Variants in OTUD7A observed in about 807,000 individuals in gnomAD.
OTUD7A encodes OTU deubiquitinase 7A, also known as OTU domain-containing protein 7A.
In OTUD7A, 12 loss-of-function variants were observed where a neutral mutation model predicts 65.7. The observed-to-expected ratio is 0.18, with a 90% CI of 0.12 to 0.30. The LOEUF (loss-of-function observed/expected upper bound fraction) is 0.30. Ranked by LOEUF, OTUD7A falls within the 10% of genes least tolerant of loss-of-function variation. The pLI, the probability that OTUD7A is intolerant of heterozygous loss-of-function variation, is 1.00. For missense variants in OTUD7A, 1,148 were observed against 1,304.8 expected (o/e 0.88, Z 1.85); for synonymous variants, 641 against 586.3 (o/e 1.09, Z -1.35).
At chr15:31,745,229 C>A (rs970847517) in intron 1 of OTUD7A, among the ~76,000 whole-genome samples, 1 of 151,900 alleles carries the variant, frequency 6.6e-6, no homozygotes, top group African/African-American at 2.4e-5. Flanking sequence ...TACAATTGAT[C>A]TAGAAGAGCC....
chr15:31,505,985 G>A (rs1157149625), intron 8 of OTUD7A, among the ~76,000 whole-genome samples: 1 of 151,958 alleles, frequency 6.6e-6, no homozygotes, highest in African/African-American at 2.4e-5. Flanking sequence ...TGATCCACCT[G>A]CCTCGGCCTC....
chr15:31,618,616 T>A (rs1384071842), intron 3 of OTUD7A, among the ~76,000 whole-genome samples: 1 of 152,208 alleles, frequency 6.6e-6, no homozygotes, highest in Non-Finnish European at 1.5e-5. Flanking sequence ...GCCCACTTGT[T>A]GATGGGGTTG....
At chr15:31,796,340 C>A (rs1895961775) in intron 1 of OTUD7A, among the ~76,000 whole-genome samples, 1 of 152,070 alleles carries the variant, frequency 6.6e-6, no homozygotes, top group Non-Finnish European at 1.5e-5. Context: ...CAGGTTGGAA[C>A]CCCAGGGAAG....
At chr15:31,544,735 A>G (rs1232643411) in intron 5 of OTUD7A, among the ~76,000 whole-genome samples, 2 of 151,974 alleles carry the variant, frequency 1.3e-5, no homozygotes, top group Non-Finnish European at 2.9e-5. Flanking sequence ...AGCTGGTAGA[A>G]TAAGTGGACA....
At chr15:31,488,066 G>A (rs959858095) in intron 10 of OTUD7A, among the ~76,000 whole-genome samples, 4 of 149,756 alleles carry the variant, frequency 2.7e-5, no homozygotes, top group Admixed American at 6.6e-5. Context: ...GGACCCACCC[G>A]CCCCTGCCCG....
intron 1 of OTUD7A, among the ~76,000 whole-genome samples, chr15:31,783,913 A>G (rs1036456285): frequency 1.3e-5 from 2 of 152,216 alleles, no homozygotes; most frequent in Non-Finnish European, 2.9e-5. Flanking sequence ...CGATGATAAA[A>G]TCTGAGCTTC....
chr15:31,808,136 C>CACACACACACACACACACACAAAA (rs772574742), intron 1 of OTUD7A, among the ~76,000 whole-genome samples: 1 of 119,418 alleles, frequency 8.4e-6, no homozygotes, highest in Non-Finnish European at 1.9e-5. Flanking sequence ...CACACACACA[C>CACACACACACACACACACACAAAA]AAACAAATCC....
At chr15:31,868,581 C>T (rs1476985251) in intron 1 of OTUD7A, among the ~76,000 whole-genome samples, 1 of 152,132 alleles carries the variant, frequency 6.6e-6, no homozygotes, top group Non-Finnish European at 1.5e-5. Context: ...CACTTGGAGC[C>T]AGTTTCTCAT....
At chr15:31,613,726 A>C (rs1400910139) in intron 3 of OTUD7A, among the ~76,000 whole-genome samples, 1 of 147,234 alleles carries the variant, frequency 6.8e-6, no homozygotes, top group Non-Finnish European at 1.5e-5. Context: ...ACCACTATGG[A>C]AAACAGTATG....
chr15:31,602,168 G>A (rs1890097425), intron 3 of OTUD7A, among the ~76,000 whole-genome samples: 1 of 151,940 alleles, frequency 6.6e-6, no homozygotes, highest in African/African-American at 2.4e-5. Flanking sequence ...AAATTTCAGG[G>A]CAATATCTCT....
chr15:31,777,354 G>A (rs1895411254), intron 1 of OTUD7A, among the ~76,000 whole-genome samples: 1 of 152,170 alleles, frequency 6.6e-6, no homozygotes, highest in Non-Finnish European at 1.5e-5. Context: ...TCAGTCTATA[G>A]TACCCCAATG....
Position 31,645,267 on chromosome 15 carries a change from T to C in OTUD7A, c.151+9829A>G, listed in dbSNP as rs375216163. On this transcript the variant is annotated intron_variant, in intron 3 of 12. Transcript: ENST00000307050. Reference sequence around the variant, plus strand: ...GGGACTACTGTCCTTTACTGTCTAATGTTCAGTGTCTTGTTTATCATATTT... The same window carrying C: ...GGGACTACTGTCCTTTACTGTCTAACGTTCAGTGTCTTGTTTATCATATTT... Among the ~76,000 whole-genome samples the C allele has an allele frequency of 3.1e-4, 47 of 152,366 alleles. No homozygotes were observed. In the East Asian group the frequency reaches 7.1e-3, roughly 23 times the overall value.
intron 1 of OTUD7A, among the ~76,000 whole-genome samples, chr15:31,709,166 C>T (rs1893375258): frequency 6.6e-6 from 1 of 151,410 alleles, no homozygotes; most frequent in Non-Finnish European, 1.5e-5. Context: ...GCCAGACCTC[C>T]TAGCTACGCC....
In OTUD7A at chr15:31,767,127, T is replaced by A. The variant is rs1365154818; in HGVS notation, c.-100+103380A>T. The A allele has an allele frequency of 4.6e-6, 7 of 1,530,024 alleles. No individual in the cohort carries two copies. The African/African-American group carries it at 9.7e-5, about 21-fold the overall frequency. 94.8% of individuals were successfully genotyped at this position (1,530,024 alleles called of 1,614,324 possible). A position where few individuals can be genotyped will look rare whatever the true frequency, so the allele number is the denominator to read the frequency against. On this transcript the variant is annotated intron_variant, in intron 1 of 12. Transcript: ENST00000307050. ...AATCTGATTCTTCTTTATTTTTTTT[T>A]CTCTACGAAGCAGACTGAGAAGGCG...
intron 5 of OTUD7A, among the ~76,000 whole-genome samples, chr15:31,535,917 T>C (rs541551904): frequency 1.1e-3 from 168 of 152,160 alleles, no homozygotes; most frequent in South Asian, 4.8e-3. Flanking sequence ...CCTGACCTCG[T>C]GATCCGCCCA....
intron 4 of OTUD7A, among the ~76,000 whole-genome samples, 185 bp downstream of exon 4, chr15:31,569,833 T>C (rs1888989147): frequency 6.6e-6 from 1 of 152,076 alleles, no homozygotes; most frequent in South Asian, 2.1e-4. Context: ...GAGGTAGAGG[T>C]TGGAACCATG....
chr15:31,808,132 C>CAA (rs1291191317), intron 1 of OTUD7A, among the ~76,000 whole-genome samples: 4 of 103,128 alleles, frequency 3.9e-5, no homozygotes, highest in East Asian at 3.9e-4. Flanking sequence ...CACACACACA[C>CAA]ACACAAACAA....
intron 1 of OTUD7A, among the ~76,000 whole-genome samples, chr15:31,704,725 C>T (rs1178341839): frequency 6.6e-6 from 1 of 151,270 alleles, no homozygotes; most frequent in Admixed American, 6.6e-5. Context: ...CCTATGCTGA[C>T]TTCTAGCCAA....
At chr15:31,798,787 A>G (rs959305210) in intron 1 of OTUD7A, among the ~76,000 whole-genome samples, 3 of 152,210 alleles carry the variant, frequency 2.0e-5, no homozygotes, top group Non-Finnish European at 4.4e-5. Context: ...AGAGGCCAGA[A>G]GGAAGCCAGG....
Sources: gnomAD v4.1 joint callset for allele counts (sites outside exome capture counted in the v4.1 genomes callset) on GRCh38, gnomAD v4.1.1 for gene constraint, MANE v1.5 for transcripts, NCBI Gene and HGNC (gene_info 2026-07-23, HGNC 2026-07-21) for gene names.